The following ARID1B variants were observed in gnomAD, a reference collection of about 807,000 sequenced individuals.
ARID1B encodes AT-rich interaction domain 1B, also known as AT-rich interactive domain-containing protein 1B.
Under a neutral mutation model 212.3 loss-of-function variants are expected in ARID1B, and 30 were observed. That is an observed-to-expected ratio of 0.14 (90% CI 0.11 to 0.19). The LOEUF (loss-of-function observed/expected upper bound fraction) is 0.19, where lower values mean the gene tolerates loss of function less well. ARID1B is among the 10% of genes least tolerant of loss of function. ARID1B has a pLI of 1.00. For missense variants in ARID1B, 2,891 were observed against 3,204.0 expected (o/e 0.90, Z 2.36); for synonymous variants, 1,402 against 1,301.7 (o/e 1.08, Z -1.66).
chr6:157,180,390 A>C (rs554826101), intron 11 of ARID1B, among the ~76,000 whole-genome samples: 56 of 151,848 alleles, frequency 3.7e-4, no homozygotes, highest in African/African-American at 1.2e-3. Context: ...ACAAAAAAAA[A>C]CAAAAAACAC....
chr6:156,879,265 A>AG (rs561640085), intron 2 of ARID1B, among the ~76,000 whole-genome samples: 163 of 152,338 alleles, frequency 1.1e-3, no homozygotes, highest in African/African-American at 3.5e-3. Flanking sequence ...TTAATGTTGA[A>AG]CATCTCTCTG....
intron 2 of ARID1B, among the ~76,000 whole-genome samples, chr6:156,872,567 C>T (rs966758558): frequency 2.1e-4 from 32 of 152,116 alleles, no homozygotes; most frequent in African/African-American, 6.3e-4. Context: ...GTGATCCGCG[C>T]GCCTCAGCCT....
intron 2 of ARID1B, among the ~76,000 whole-genome samples, chr6:156,873,476 A>T (rs1025683938): frequency 2.6e-5 from 4 of 152,218 alleles, no homozygotes; most frequent in African/African-American, 9.6e-5. Flanking sequence ...ACTTTGTAAA[A>T]ATTAGTGGTC....
chr6:156,829,917 T>G (rs1052806884), intron 2 of ARID1B, among the ~76,000 whole-genome samples: 3 of 152,238 alleles, frequency 2.0e-5, no homozygotes, highest in Non-Finnish European at 4.4e-5. Flanking sequence ...CTGTACCTTT[T>G]GAAAAAGGTT....
At chr6:157,198,644 A>T (rs964955265) in intron 16 of ARID1B, 167 bp from the exon 17 acceptor site, 2 of 566,770 alleles carry the variant, frequency 3.5e-6, no homozygotes, top group Non-Finnish European at 6.3e-6. Flanking sequence ...CCCTGGTGCT[A>T]ACAGTTGGCG....
chr6:156,878,927 G>C, intron 2 of ARID1B, among the ~76,000 whole-genome samples: 1 of 152,228 alleles, frequency 6.6e-6, no homozygotes, highest in East Asian at 1.9e-4. Context: ...TTCATTGAGT[G>C]AGGTGGAGGA....
chr6:156,858,860 C>T (rs185049643), intron 2 of ARID1B, among the ~76,000 whole-genome samples: 2 of 151,998 alleles, frequency 1.3e-5, no homozygotes, highest in Admixed American at 6.6e-5. Context: ...TTAAAAAAAC[C>T]GTAAAAATGG....
rs1229950097 is a variant in ARID1B, at chr6:156,777,895, A to G, written c.215A>G (p.His72Arg). The change falls in exon 1 of 20, where the codon CAC becomes CGC. Residue 72 changes from histidine (H) to arginine (R), a missense_variant. By Grantham distance (29) the His-to-Arg change is conservative. Around this residue, in one of 7 missense-constraint regions of ARID1B, gnomAD observed 1,643 missense variants for 1,544.0 expected, o/e 1.06. Transcript: ENST00000636930. ...GGCGGCGGCGGCCTGAACAGTGTGC[A>G]CCACCACCCCCTGCTCCCCCGTCAC... ...GDGGGGLNSV[H>R]HHPLLPRHEL... The G allele has an allele frequency of 1.5e-5, 23 of 1,490,548 alleles. No individual in the cohort carries two copies. The highest frequency in any genetic ancestry group is 3.5e-6 in the Non-Finnish European group (4 of 1,129,232). 92.3% of individuals were successfully genotyped at this position (1,490,548 alleles called of 1,614,324 possible). A position where few individuals can be genotyped will look rare whatever the true frequency, so the allele number is the denominator to read the frequency against.
Position 157,173,879 on chromosome 6 carries a change from T to G in ARID1B, c.3236-129T>G, listed in dbSNP as rs1791893269. The G allele has an allele frequency of 1.4e-5, 10 of 716,680 alleles. No individual in the cohort carries two copies. In the East Asian group the frequency reaches 2.7e-4, roughly 20 times the overall value. 44.4% of individuals were successfully genotyped at this position (716,680 alleles called of 1,614,324 possible). A position where few individuals can be genotyped will look rare whatever the true frequency, so the allele number is the denominator to read the frequency against. ...AATTAATATGCTCCCCATTACAATT[T>G]CTTTTTTCTTTTCTTCCTTCAAGGG... is the stretch of plus-strand genomic sequence containing the variant. On this transcript the variant is annotated intron_variant, in intron 9 of 19. Transcript: ENST00000636930.
intron 17 of ARID1B, among the ~76,000 whole-genome samples, chr6:157,199,547 C>A (rs1793958552): frequency 6.6e-6 from 1 of 150,472 alleles, no homozygotes; most frequent in Non-Finnish European, 1.5e-5. Flanking sequence ...GATCTGAGAA[C>A]TCTTGCAAAA....
chr6:157,017,646 C>T (rs1779984438), intron 4 of ARID1B, among the ~76,000 whole-genome samples: 1 of 152,074 alleles, frequency 6.6e-6, no homozygotes, highest in Admixed American at 6.6e-5. Flanking sequence ...GCTTTTTAAC[C>T]TTTTTAGGGG....
chr6:156,845,294 C>T (rs1366580353), intron 2 of ARID1B, among the ~76,000 whole-genome samples: 1 of 152,234 alleles, frequency 6.6e-6, no homozygotes, highest in African/African-American at 2.4e-5. Flanking sequence ...TTATTACCCT[C>T]CTGGCCCGCT....
chr6:157,100,383 A>T (rs147591967), intron 5 of ARID1B, among the ~76,000 whole-genome samples: 1 of 152,110 alleles, frequency 6.6e-6, no homozygotes, highest in Non-Finnish European at 1.5e-5. Flanking sequence ...TGTTAACCGG[A>T]ACCACTAAGC....
intron 2 of ARID1B, among the ~76,000 whole-genome samples, chr6:156,880,015 A>G (rs2128164776): frequency 6.6e-6 from 1 of 152,362 alleles, no homozygotes; most frequent in South Asian, 2.1e-4. Flanking sequence ...AGGCTGTTCC[A>G]GTAGGGGCTG....
intron 2 of ARID1B, among the ~76,000 whole-genome samples, chr6:156,876,521 G>A (rs988299763): frequency 4.1e-4 from 62 of 152,180 alleles, no homozygotes; most frequent in African/African-American, 1.4e-3. Flanking sequence ...GTATACTCAT[G>A]GTGTTTCTTT....
Position 157,176,567 on chromosome 6 carries a change from C to T in ARID1B, c.3504+1562C>T, listed in dbSNP as rs150679784. On this transcript the variant is annotated intron_variant, in intron 11 of 19. Transcript: ENST00000636930. ...AAAACTTAAGATAATAATTAAGGGCCGGGTGCGGTGGCTCACGCCTATAAT... is the reference window on the plus strand; with the variant it reads ...AAAACTTAAGATAATAATTAAGGGCTGGGTGCGGTGGCTCACGCCTATAAT... 6.9e-3 allele frequency among the ~76,000 whole-genome samples: 1,057 copies of T among 152,196 alleles called. 11 individuals are homozygous for T. The highest frequency in any genetic ancestry group is 0.024 in the African/African-American group (1,000 of 41,524).
intron 13 of ARID1B, 131 bp from the exon 14 acceptor site, chr6:157,189,511 T>C (rs112902616): frequency 2.7e-6 from 3 of 1,104,718 alleles, no homozygotes; most frequent in East Asian, 2.7e-5. Context: ...GCAATGGCTA[T>C]TGTTACTGTT....
At chr6:156,816,011 T>C (rs956697212) in intron 1 of ARID1B, among the ~76,000 whole-genome samples, 4 of 152,252 alleles carry the variant, frequency 2.6e-5, no homozygotes, top group African/African-American at 4.8e-5. Flanking sequence ...TAATATATGT[T>C]ATGAATCTTG....
chr6:156,794,011 TG>T (rs1780185341), intron 1 of ARID1B, among the ~76,000 whole-genome samples: 1 of 152,200 alleles, frequency 6.6e-6, no homozygotes, highest in African/African-American at 2.4e-5. Flanking sequence ...CTGGTTTTTC[TG>T]GTGCTAAAGC....
Sources: gnomAD v4.1 joint callset for allele counts (sites outside exome capture counted in the v4.1 genomes callset) on GRCh38, gnomAD v4.1.1 for gene constraint, gnomAD v4.1.1 regional missense constraint, MANE v1.5 for transcripts, NCBI Gene and HGNC (gene_info 2026-07-23, HGNC 2026-07-21) for gene names.